Variants in SOX6 observed in about 807,000 individuals in gnomAD.
SOX6 encodes the protein transcription factor SOX-6.
A neutral mutation model predicts 97.8 loss-of-function variants in SOX6; 11 were observed. That is an observed-to-expected ratio of 0.11 (90% confidence interval 0.07 to 0.19). SOX6 has a LOEUF of 0.19. Ranked by LOEUF, SOX6 falls within the 10% of genes least tolerant of loss-of-function variation. The pLI, the probability that SOX6 is intolerant of heterozygous loss-of-function variation, is 1.00. For missense variants in SOX6, 810 were observed against 1,039.5 expected (o/e 0.78, Z 3.04); for synonymous variants, 360 against 371.4 (o/e 0.97, Z 0.35).
intron 15 of SOX6, among the ~76,000 whole-genome samples, chr11:15,979,760 C>T (rs1466147569): frequency 2.6e-5 from 4 of 151,974 alleles, no homozygotes; most frequent in African/African-American, 9.7e-5. Flanking sequence ...CCCTTCCCTA[C>T]TGAGGCCTTT....
chr11:16,180,548 T>C (rs1011951704), intron 6 of SOX6, among the ~76,000 whole-genome samples: 7 of 151,804 alleles, frequency 4.6e-5, no homozygotes, highest in African/African-American at 1.7e-4. Flanking sequence ...TGTAAAAAAT[T>C]AGAGAAATCA....
At chr11:16,499,183 C>T (rs1370835115) in intron 4 of SOX6, among the ~76,000 whole-genome samples, 1 of 152,166 alleles carries the variant, frequency 6.6e-6, no homozygotes, top group East Asian at 1.9e-4. Flanking sequence ...CACATGGAAA[C>T]TGAACAACCT....
intron 4 of SOX6, among the ~76,000 whole-genome samples, chr11:16,499,850 G>A (rs1177216188): frequency 4.6e-5 from 7 of 152,194 alleles, no homozygotes; most frequent in African/African-American, 1.7e-4. Context: ...TCCAGGACCA[G>A]ACGGAGTCAC....
At chr11:16,081,388 G>T (rs538329399) in intron 9 of SOX6, among the ~76,000 whole-genome samples, 1 of 151,918 alleles carries the variant, frequency 6.6e-6, no homozygotes, top group Non-Finnish European at 1.5e-5. Flanking sequence ...CCTTTTTATT[G>T]TCAATTTAAA....
intron 6 of SOX6, among the ~76,000 whole-genome samples, chr11:16,147,291 G>A (rs1012816315): frequency 6.6e-6 from 1 of 152,054 alleles, no homozygotes; most frequent in African/African-American, 2.4e-5. Context: ...TCATAGGTGG[G>A]AATTGAACAA....
At chr11:16,130,657 G>A (rs758458146) in intron 6 of SOX6, among the ~76,000 whole-genome samples, 3 of 151,506 alleles carry the variant, frequency 2.0e-5, no homozygotes, top group Non-Finnish European at 3.0e-5. Flanking sequence ...TTCTAAATTT[G>A]ATATGAAAAA....
chr11:16,062,125 C>T (rs1847972131), intron 9 of SOX6, among the ~76,000 whole-genome samples: 1 of 151,450 alleles, frequency 6.6e-6, no homozygotes, highest in Non-Finnish European at 1.5e-5. Context: ...GGGGAGAATA[C>T]TTTTGCAAAT....
intron 1 of SOX6, among the ~76,000 whole-genome samples, chr11:16,375,934 A>G (rs370525873): frequency 3.3e-5 from 5 of 152,264 alleles, no homozygotes; most frequent in Non-Finnish European, 2.9e-5. Flanking sequence ...AGGGACAGAA[A>G]ATCAAACACC....
At chr11:16,478,483 A>C (rs1354652800), upstream of SOX6, among the ~76,000 whole-genome samples, 1 of 152,232 alleles carries the variant, frequency 6.6e-6, no homozygotes, top group Admixed American at 6.5e-5. Flanking sequence ...ATTTTCACAT[A>C]CACCAATACA....
intron 1 of SOX6, among the ~76,000 whole-genome samples, chr11:16,388,619 T>G (rs944828688): frequency 2.6e-5 from 4 of 152,116 alleles, no homozygotes; most frequent in African/African-American, 9.7e-5. Flanking sequence ...TCTAAGAAAT[T>G]TGTTTGTTTC....
intron 4 of SOX6, among the ~76,000 whole-genome samples, chr11:16,574,801 G>A (rs1847967581): frequency 6.6e-6 from 1 of 151,982 alleles, no homozygotes; most frequent in Admixed American, 6.6e-5. Context: ...CCAGCACTTT[G>A]GGAGGCTAAG....
At chr11:16,446,259 AAGGAG>A (rs1370491762) in intron 1 of SOX6, among the ~76,000 whole-genome samples, 1 of 152,044 alleles carries the variant, frequency 6.6e-6, no homozygotes, top group Non-Finnish European at 1.5e-5. Flanking sequence ...AGAGGAAAGA[AAGGAG>A]AGGAGAGAAA....
At chr11:16,285,875 G>T (rs1037389811) in intron 3 of SOX6, among the ~76,000 whole-genome samples, 3 of 152,034 alleles carry the variant, frequency 2.0e-5, no homozygotes, top group Admixed American at 6.6e-5. Context: ...AAGCAAATGA[G>T]TCTTCTGATG....
intron 3 of SOX6, among the ~76,000 whole-genome samples, chr11:16,653,391 T>C (rs1847681254): frequency 1.3e-5 from 2 of 152,072 alleles, no homozygotes; most frequent in Admixed American, 1.3e-4. Flanking sequence ...AACAAGTAGA[T>C]AAAGAAAATG....
At chr11:16,016,095 A>G (rs1854874867) in intron 12 of SOX6, among the ~76,000 whole-genome samples, 1 of 152,048 alleles carries the variant, frequency 6.6e-6, no homozygotes, top group African/African-American at 2.4e-5. Flanking sequence ...ATTAGATGGA[A>G]ACACTCTGAG....
chr11:16,059,980 C>A (rs1409008634), intron 9 of SOX6, among the ~76,000 whole-genome samples: 1 of 151,816 alleles, frequency 6.6e-6, no homozygotes, highest in Non-Finnish European at 1.5e-5. Flanking sequence ...ACCAATATAT[C>A]CTACTATGAG....
intron 3 of SOX6, among the ~76,000 whole-genome samples, chr11:16,638,802 G>A (rs1242479229): frequency 6.6e-6 from 1 of 152,136 alleles, no homozygotes; most frequent in Non-Finnish European, 1.5e-5. Flanking sequence ...TAAGTTCTTT[G>A]TAGATTCTTG....
chr11:16,410,383 T>C (rs1858779912), intron 1 of SOX6, among the ~76,000 whole-genome samples: 1 of 152,148 alleles, frequency 6.6e-6, no homozygotes, highest in Non-Finnish European at 1.5e-5. Context: ...ATATTTATTA[T>C]TTAACATTAA....
Position 16,111,826 on chromosome 11 carries a change from G to T in SOX6, c.875C>A (p.Pro292His), listed in dbSNP as rs267602796. Residue 292 changes from proline to histidine, a missense_variant, in exon 7 of 16, where the codon CCC (proline) becomes CAC (histidine). Around this residue, in one of 9 missense-constraint regions of SOX6, gnomAD observed 244 missense variants for 261.0 expected, o/e 0.93. Transcript: ENST00000683767. ...AAAAQQGFLFPPGITYKPGDN... is the reference protein window; with the variant it reads ...AAAAQQGFLFHPGITYKPGDN... ...ACCTGGTTTGTATGTTATTCCAGGG[G>T]GGAAGAGGAATCCCTGTTGGGCAGC... The T allele has an allele frequency of 3.1e-6, 5 of 1,613,136 alleles. No individual in the cohort carries two copies.
Sources: gnomAD v4.1 joint callset for allele counts (sites outside exome capture counted in the v4.1 genomes callset) on GRCh38, gnomAD v4.1.1 for gene constraint, gnomAD v4.1.1 regional missense constraint, MANE v1.5 for transcripts, NCBI Gene and HGNC (gene_info 2026-07-23, HGNC 2026-07-21) for gene names.